The following RDX variants were observed in gnomAD, a reference collection of about 807,000 sequenced individuals.
RDX encodes the protein radixin.
A neutral mutation model predicts 83.7 loss-of-function variants in RDX; 32 were observed. That is an observed-to-expected ratio of 0.38 (90% CI 0.29 to 0.51). The LOEUF (loss-of-function observed/expected upper bound fraction) is 0.51. Among genes scored for constraint, RDX ranks in the 20% least tolerant of loss-of-function variants. RDX has a pLI of 0.87. For synonymous variants in RDX, 229 were observed against 222.7 expected (o/e 1.03, Z -0.25); for missense variants, 600 against 689.9 (o/e 0.87, Z 1.46).
rs143389318 is a variant in RDX at position 110,241,964 on chromosome 11, T to C, written c.1091-4312A>G. Among the ~76,000 whole-genome samples, 6 of 152,148 alleles carry C rather than the reference T, an allele frequency of 3.9e-5. No individual in the cohort carries two copies. The South Asian group carries it at 1.2e-3, about 32-fold the overall frequency. On this transcript the variant is annotated intron_variant, in intron 10 of 13. Coordinates refer to ENST00000645495, the MANE Select transcript of RDX (RefSeq NM_002906.4). ...TACTGTATGATACCACTTATACAGG[T>C]AGAATACTCAAAATCACAAAGACAA...
chr11:110,295,020 G>C (rs986291600), intron 1 of RDX, among the ~76,000 whole-genome samples: 3 of 152,172 alleles, frequency 2.0e-5, no homozygotes, highest in African/African-American at 7.2e-5. Context: ...ATTAAGCAAA[G>C]AAAGTCACTG....
intron 3 of RDX, among the ~76,000 whole-genome samples, chr11:110,271,624 T>C (rs1426482203): frequency 2.0e-5 from 3 of 152,196 alleles, no homozygotes; most frequent in Non-Finnish European, 4.4e-5. Flanking sequence ...AATCAGCATC[T>C]CTGGAAGGGG....
chr11:110,218,783 G>C (rs1019916168), intron 14 of RDX, among the ~76,000 whole-genome samples: 1 of 152,156 alleles, frequency 6.6e-6, no homozygotes, highest in East Asian at 1.9e-4. Context: ...AACTCATCCT[G>C]AAAGACTTGG....
At chr11:110,188,137 T>C (rs1021561648) in intron 15 of RDX, among the ~76,000 whole-genome samples, 1 of 151,694 alleles carries the variant, frequency 6.6e-6, no homozygotes, top group Non-Finnish European at 1.5e-5. Context: ...CTACCAAAAA[T>C]ATAAAAATTA....
chr11:110,215,049 A>AATATATATATATATATAT (rs572205859), intron 14 of RDX, among the ~76,000 whole-genome samples: 1 of 97,270 alleles, frequency 1.0e-5, no homozygotes, highest in African/African-American at 3.7e-5. Flanking sequence ...AAAAAAAAAA[A>AATATATATATATATATAT]ATATATATAT....
chr11:110,274,363 T>G (rs138996240), intron 2 of RDX, among the ~76,000 whole-genome samples: 78 of 152,336 alleles, frequency 5.1e-4, no homozygotes, highest in African/African-American at 1.7e-3. Flanking sequence ...GGTTCTAACG[T>G]AAATATATGT....
At chr11:110,273,298 A>G (rs10891078) in intron 2 of RDX, among the ~76,000 whole-genome samples, 61,890 of 152,174 alleles carry the variant, frequency 0.41, 12,798 homozygotes, top group East Asian at 0.66. Flanking sequence ...TCACTATCCC[A>G]TATTTCTTTC....
intron 3 of RDX, 77 bp from the exon 4 acceptor site, chr11:110,264,951 A>C: frequency 9.8e-7 from 1 of 1,019,822 alleles, no homozygotes; most frequent in Admixed American, 1.8e-5. Context: ...TACACTTCAA[A>C]AGGAGAACAA....
At chr11:110,176,147 G>A (rs1438527046) in intron 15 of RDX, among the ~76,000 whole-genome samples, 3 of 150,786 alleles carry the variant, frequency 2.0e-5, no homozygotes, top group African/African-American at 2.4e-5. Flanking sequence ...GTGCAGTGGC[G>A]TGACCTCGGC....
In RDX at chr11:110,175,373, G is replaced by GA. The variant is rs1862747938; in HGVS notation, c.*32-140dup. 4.6e-5 allele frequency: 7 copies of GA among 152,344 alleles called. No individual in the cohort carries two copies. In the South Asian group the frequency reaches 1.5e-3, roughly 32 times the overall value. The allele number at this position is 152,344 out of a possible 1,614,324, so 9.4% of individuals were successfully genotyped here. On this transcript the variant is annotated intron_variant, in intron 15 of 15. Coordinates refer to the RDX transcript ENST00000528498. ...CTGCAAACACAACACCTTTTATGCT[G>GA]AAGCAGCTGCCACTGGCATTTTCCT... is the stretch of plus-strand genomic sequence containing the variant.
intron 3 of RDX, among the ~76,000 whole-genome samples, chr11:110,271,740 T>C (rs1860320119): frequency 6.6e-6 from 1 of 152,106 alleles, no homozygotes; most frequent in Admixed American, 6.6e-5. Flanking sequence ...TTCCTTAACA[T>C]ACCGGATACC....
chr11:110,264,646 C>A, intron 4 of RDX, 133 bp downstream of exon 4: 20 of 540,074 alleles, frequency 3.7e-5, no homozygotes, highest in South Asian at 1.4e-4. Flanking sequence ...TTTAAAAAAA[C>A]ATGGTACCTC....
At chr11:110,258,004 CAT>C (rs1410665373) in intron 6 of RDX, 91 bp from the exon 7 acceptor site, 4 of 1,476,280 alleles carry the variant, frequency 2.7e-6, no homozygotes, top group African/African-American at 1.4e-5. Flanking sequence ...TAGTACTTTA[CAT>C]AAGTCAAACA....
At chr11:110,240,328 C>T (rs12798519) in intron 10 of RDX, among the ~76,000 whole-genome samples, 59,994 of 152,018 alleles carry the variant, frequency 0.39, 12,041 homozygotes, top group East Asian at 0.61. Flanking sequence ...TATGTCAGAG[C>T]TAAATCTCAT....
chr11:110,241,359 C>T (rs1198853944), intron 10 of RDX, among the ~76,000 whole-genome samples: 1 of 151,892 alleles, frequency 6.6e-6, no homozygotes, highest in Non-Finnish European at 1.5e-5. Flanking sequence ...TGCAGTGGCA[C>T]GATCTCAGCT....
chr11:110,272,025 A>C (rs1249804326), intron 3 of RDX, among the ~76,000 whole-genome samples: 3 of 152,244 alleles, frequency 2.0e-5, no homozygotes, highest in African/African-American at 7.2e-5. Context: ...TATGTGTATA[A>C]GTTGTACACA....
At chr11:110,222,863 C>T (rs766939052) in intron 14 of RDX, among the ~76,000 whole-genome samples, 6 of 152,088 alleles carry the variant, frequency 3.9e-5, no homozygotes, top group South Asian at 2.1e-4. Context: ...TCAACAAAAA[C>T]GACTACTTTT....
At chr11:110,189,089 A>T (rs1863047738) in intron 15 of RDX, among the ~76,000 whole-genome samples, 1 of 151,950 alleles carries the variant, frequency 6.6e-6, no homozygotes, top group Non-Finnish European at 1.5e-5. Context: ...AGACCCATAC[A>T]TCTACTATCT....
At chr11:110,232,357 G>A (rs1388774168) in intron 13 of RDX, among the ~76,000 whole-genome samples, 1 of 151,998 alleles carries the variant, frequency 6.6e-6, no homozygotes, top group African/African-American at 2.4e-5. Flanking sequence ...TATACCTCAA[G>A]GGAAGCCTTC....
Sources: allele counts gnomAD v4.1 joint callset (sites outside exome capture counted in the v4.1 genomes callset), GRCh38; gene constraint gnomAD v4.1.1; transcripts MANE v1.5; gene names NCBI Gene and HGNC (gene_info 2026-07-23, HGNC 2026-07-21).